The following BCKDHB variants were observed in gnomAD, a reference collection of about 807,000 sequenced individuals.
BCKDHB encodes branched chain keto acid dehydrogenase E1 subunit beta, also known as 2-oxoisovalerate dehydrogenase subunit beta, mitochondrial.
A neutral mutation model predicts 48.5 loss-of-function variants in BCKDHB; 41 were observed. The observed-to-expected ratio is 0.85, with a 90% CI of 0.66 to 1.10. The LOEUF is 1.10. Ranked by LOEUF, BCKDHB falls within the 50% of genes least tolerant of loss-of-function variation. BCKDHB has a pLI of 0.00. For missense variants in BCKDHB, 496 were observed against 494.2 expected, an observed-to-expected ratio of 1.00 and a Z score of -0.03; for synonymous variants, 201 against 174.8, an observed-to-expected ratio of 1.15 and a Z score of -1.18.
intron 3 of BCKDHB, among the ~76,000 whole-genome samples, chr6:80,136,938 C>G (rs1428996452): frequency 6.6e-6 from 1 of 152,122 alleles, no homozygotes; most frequent in Non-Finnish European, 1.5e-5. Flanking sequence ...ATTAGGATGG[C>G]TGTTATCAAG....
rs756064958 is a variant in BCKDHB, at chr6:80,127,608, C to T, written c.258C>T (p.Ala86=). 2.5e-6 allele frequency: 4 copies of T among 1,612,812 alleles called. No individual in the cohort carries two copies. Among genetic ancestry groups the T allele is most frequent in the East Asian group, 2.2e-5 (1 of 44,816 alleles). Residue 86 remains alanine, a synonymous_variant, in exon 2 of 10, where the codon GCC becomes GCT. Coordinates refer to ENST00000320393, the MANE Select transcript of BCKDHB (RefSeq NM_183050.4). The part of the protein sequence containing the change: ...SVTSALDNSL[A]KDPTAVIFGE... Reference sequence around the variant, plus strand: ...CAAGTGCCTTGGATAACTCATTGGCCAAAGATCCTACTGCAGGTAACCCTG... The same window carrying T: ...CAAGTGCCTTGGATAACTCATTGGCTAAAGATCCTACTGCAGGTAACCCTG...
At chr6:80,222,723 A>G (rs1250004491) in intron 8 of BCKDHB, among the ~76,000 whole-genome samples, 1 of 152,136 alleles carries the variant, frequency 6.6e-6, no homozygotes, top group Non-Finnish European at 1.5e-5. Flanking sequence ...TTTCTCTCTA[A>G]GAGATTGGGT....
chr6:80,346,867 C>G (rs961807274), downstream of BCKDHB, among the ~76,000 whole-genome samples: 1 of 152,070 alleles, frequency 6.6e-6, no homozygotes, highest in Non-Finnish European at 1.5e-5. Context: ...CCCCTCATCC[C>G]TGACACACCT....
At chr6:80,113,586 A>G (rs2127709436) in intron 1 of BCKDHB, among the ~76,000 whole-genome samples, 1 of 152,346 alleles carries the variant, frequency 6.6e-6, no homozygotes, top group Admixed American at 6.5e-5. Context: ...AGAGAGGAAA[A>G]CGAGAAGAAA....
intron 8 of BCKDHB, among the ~76,000 whole-genome samples, chr6:80,242,348 T>C (rs996462440): frequency 6.6e-6 from 1 of 152,190 alleles, no homozygotes; most frequent in African/African-American, 2.4e-5. Flanking sequence ...TTATGTTTCT[T>C]TGTGTCTTTT....
At chr6:80,432,624 T>G in the BCKDHB span, among the ~76,000 whole-genome samples, 1 of 152,170 alleles carries the variant, frequency 6.6e-6, no homozygotes, top group Non-Finnish European at 1.5e-5. Context: ...GGGTTAGACA[T>G]GCTCCTTTAG....
chr6:80,269,624 G>A (rs1777653049), intron 8 of BCKDHB, among the ~76,000 whole-genome samples: 1 of 151,974 alleles, frequency 6.6e-6, no homozygotes, highest in Non-Finnish European at 1.5e-5. Flanking sequence ...TGCAAATCCA[G>A]CCTTACGTGA....
the BCKDHB span, among the ~76,000 whole-genome samples, chr6:80,431,205 TC>T: frequency 6.6e-6 from 1 of 152,208 alleles, no homozygotes; most frequent in Non-Finnish European, 1.5e-5. Context: ...TTATTTCAGT[TC>T]TTTTGCATTT....
At chr6:80,113,536 G>A (rs1769525915) in intron 1 of BCKDHB, among the ~76,000 whole-genome samples, 1 of 152,146 alleles carries the variant, frequency 6.6e-6, no homozygotes, top group African/African-American at 2.4e-5. Context: ...GGCCCAAGTT[G>A]GAAAGGGAAA....
intron 9 of BCKDHB, among the ~76,000 whole-genome samples, chr6:80,331,279 G>A (rs1769304046): frequency 6.6e-6 from 1 of 152,016 alleles, no homozygotes; most frequent in South Asian, 2.1e-4. Flanking sequence ...GCTTAGATTT[G>A]CTTATAGGTT....
At chr6:80,399,385 A>G in the BCKDHB span, among the ~76,000 whole-genome samples, 6 of 152,322 alleles carry the variant, frequency 3.9e-5, no homozygotes, top group South Asian at 2.1e-4. Context: ...TTTAGCTGAT[A>G]AAAAACTTCA....
At chr6:80,266,600 A>G (rs529217887) in intron 8 of BCKDHB, among the ~76,000 whole-genome samples, 67 of 152,218 alleles carry the variant, frequency 4.4e-4, no homozygotes, top group African/African-American at 1.5e-3. Flanking sequence ...AAAGGTACAC[A>G]GAAGCATGTA....
chr6:80,329,052 G>C (rs961819570), intron 9 of BCKDHB, among the ~76,000 whole-genome samples: 1 of 152,058 alleles, frequency 6.6e-6, no homozygotes, highest in African/African-American at 2.4e-5. Context: ...GAGTAAATGG[G>C]AAATTGATAT....
At chr6:80,288,213 C>A (rs1157556331) in intron 9 of BCKDHB, among the ~76,000 whole-genome samples, 1 of 151,840 alleles carries the variant, frequency 6.6e-6, no homozygotes, top group African/African-American at 2.4e-5. Context: ...AAAAATGATC[C>A]TTTCTATTAA....
the BCKDHB span, among the ~76,000 whole-genome samples, chr6:80,355,044 G>A: frequency 6.6e-6 from 1 of 152,114 alleles, no homozygotes; most frequent in Non-Finnish European, 1.5e-5. Flanking sequence ...GAAAAATGAT[G>A]TTGGTATCTT....
the BCKDHB span, among the ~76,000 whole-genome samples, chr6:80,454,906 T>A: frequency 4.6e-5 from 7 of 152,304 alleles, no homozygotes; most frequent in South Asian, 1.5e-3. Context: ...GCCCATACAT[T>A]TGCCTATCAA....
chr6:80,206,244 C>G (rs945860563), intron 8 of BCKDHB, among the ~76,000 whole-genome samples: 4 of 151,938 alleles, frequency 2.6e-5, no homozygotes, highest in African/African-American at 9.7e-5. Context: ...ACAGCCTCTA[C>G]CCCTTTGAAT....
At chr6:80,283,781 C>T (rs1766488801) in intron 9 of BCKDHB, among the ~76,000 whole-genome samples, 1 of 151,974 alleles carries the variant, frequency 6.6e-6, no homozygotes, top group African/African-American at 2.4e-5. Context: ...GATTGTATTT[C>T]AGTATGTATA....
At chr6:80,405,416 G>A in the BCKDHB span, among the ~76,000 whole-genome samples, 1 of 151,980 alleles carries the variant, frequency 6.6e-6, no homozygotes, top group East Asian at 1.9e-4. Context: ...TTCAGTCTAT[G>A]CATGTTCTTA....
Sources: gnomAD v4.1 joint callset for allele counts (sites outside exome capture counted in the v4.1 genomes callset) on GRCh38, gnomAD v4.1.1 for gene constraint, MANE v1.5 for transcripts, NCBI Gene and HGNC (gene_info 2026-07-23, HGNC 2026-07-21) for gene names.